The following MET variants were observed in gnomAD, a reference collection of about 807,000 sequenced individuals.
MET encodes the protein hepatocyte growth factor receptor.
A neutral mutation model predicts 133.1 loss-of-function variants in MET; 48 were observed. That is an observed-to-expected ratio of 0.36 (90% confidence interval 0.29 to 0.46). The LOEUF (loss-of-function observed/expected upper bound fraction) is 0.46, where lower values mean the gene tolerates loss of function less well. Ranked by LOEUF, MET falls within the 20% of genes least tolerant of loss-of-function variation. The probability of loss-of-function intolerance (pLI) is 1.00; values close to 1 mark genes in which losing one functional copy is unlikely to be tolerated. For synonymous variants in MET, 628 were observed against 616.5 expected (o/e 1.02, Z -0.28); for missense variants, 1,442 against 1,695.9 (o/e 0.85, Z 2.63).
At chr7:116,700,378 T>G (rs1190269987) in intron 2 of MET, 94 bp downstream of exon 2, 1 of 1,411,370 alleles carries the variant, frequency 7.1e-7, no homozygotes, top group Non-Finnish European at 9.4e-7. Context: ...TCTTTTGTGC[T>G]TTGTAAATGG....
chr7:116,794,472 A>G (rs571717363), intron 19 of MET, among the ~76,000 whole-genome samples: 4 of 152,230 alleles, frequency 2.6e-5, no homozygotes, highest in Middle Eastern at 3.2e-3. Context: ...GCAGCCATCA[A>G]GGGTTCTTGC....
chr7:116,684,126 C>A (rs978696269), intron 1 of MET, among the ~76,000 whole-genome samples: 2 of 152,192 alleles, frequency 1.3e-5, no homozygotes, highest in African/African-American at 4.8e-5. Context: ...GTCTCCTCTC[C>A]CTATTTTCCT....
chr7:116,678,115 A>G (rs1796225871), intron 1 of MET, among the ~76,000 whole-genome samples: 1 of 152,158 alleles, frequency 6.6e-6, no homozygotes, highest in African/African-American at 2.4e-5. Context: ...CAATCAGATC[A>G]GTGTTAAAAT....
At chr7:116,742,028 G>A (rs1793476662) in intron 5 of MET, among the ~76,000 whole-genome samples, 1 of 152,204 alleles carries the variant, frequency 6.6e-6, no homozygotes. Flanking sequence ...CTTCCCTGGT[G>A]AGAACCCAGT....
rs1584923073 is a variant in MET, at chr7:116,740,860, G to A, written c.1536G>A (p.Lys512=). ...ACCCCTTCTCTTCACAGATCACGAA[G>A]ATCCCATTGAATGGCTTGGGCTGCA... ...TLVITGKKIT[K]IPLNGLGCRH... is the part of the protein sequence containing the mutation. The change falls in exon 5 of 21, where the codon AAG becomes AAA. Residue 512 remains lysine, a synonymous_variant. Transcript: ENST00000397752. The A allele has an allele frequency of 6.2e-7, 1 of 1,614,054 alleles. No homozygotes were observed. Among genetic ancestry groups the A allele is most frequent in the Non-Finnish European group, 8.5e-7 (1 of 1,180,022 alleles).
chr7:116,762,740 G>T (rs1365892586), intron 10 of MET, among the ~76,000 whole-genome samples: 1 of 152,050 alleles, frequency 6.6e-6, no homozygotes, highest in Non-Finnish European at 1.5e-5. Context: ...CACAACAAGG[G>T]GCAGTTCCTC....
chr7:116,792,476 C>CACACACACAT (rs1795538847), intron 19 of MET, among the ~76,000 whole-genome samples: 1 of 146,404 alleles, frequency 6.8e-6, no homozygotes, highest in East Asian at 2.0e-4. Context: ...CACACACACA[C>CACACACACAT]ACACACACAC....
rs566993048 is a variant in MET at position 116,780,822 on chromosome 7, C to A, written c.3523-1166C>A. On this transcript the variant is annotated intron_variant, in intron 17 of 20. Coordinates refer to ENST00000397752, the MANE Select transcript of MET (RefSeq NM_000245.4). ...GGAATACCCCATTCCTGATTGCCAG[C>A]CAGTGACATCACCAGACTTGACAGC... is the stretch of plus-strand genomic sequence containing the variant. Among the ~76,000 whole-genome samples the A allele has an allele frequency of 2.0e-5, 3 of 152,300 alleles. No homozygotes were observed. The South Asian group carries it at 6.2e-4, about 32-fold the overall frequency.
intron 1 of MET, among the ~76,000 whole-genome samples, chr7:116,683,991 C>G (rs1472439557): frequency 6.6e-6 from 1 of 152,082 alleles, no homozygotes; most frequent in Non-Finnish European, 1.5e-5. Context: ...AAACCGCTCT[C>G]TCTCACTTCC....
intron 11 of MET, 133 bp from the exon 12 acceptor site, chr7:116,769,512 A>G: frequency 2.8e-6 from 3 of 1,075,416 alleles, no homozygotes; most frequent in Non-Finnish European, 4.1e-6. Flanking sequence ...CATGAAAATT[A>G]GTATCATAGA....
rs2116589366 is a variant in MET at position 116,699,543 on chromosome 7, C to T, written c.459C>T (p.Asp153=). The T allele has an allele frequency of 6.2e-7, 1 of 1,614,066 alleles. No individual in the cohort carries two copies. Among genetic ancestry groups the T allele is most frequent in the Non-Finnish European group, 8.5e-7 (1 of 1,179,958 alleles). Residue 153 remains aspartate (D), a synonymous_variant, in exon 2 of 21, where the codon GAC becomes GAT. Coordinates refer to ENST00000397752, the MANE Select transcript of MET (RefSeq NM_000245.4). ...TCTTTCCCCACAATCATACTGCTGACATACAGTCGGAGGTTCACTGCATAT... is the reference window on the plus strand; with the variant it reads ...TCTTTCCCCACAATCATACTGCTGATATACAGTCGGAGGTTCACTGCATAT... The part of the protein sequence containing the change: ...RHVFPHNHTA[D]IQSEVHCIFS...
chr7:116,767,440 C>CT (rs1309343067), intron 11 of MET, among the ~76,000 whole-genome samples: 1 of 152,196 alleles, frequency 6.6e-6, no homozygotes, highest in Non-Finnish European at 1.5e-5. Context: ...AGAACTGTGT[C>CT]TAACACACAG....
At chr7:116,724,655 C>A in intron 2 of MET, 2 of 453,850 alleles carry the variant, frequency 4.4e-6, no homozygotes, top group South Asian at 1.6e-5. Context: ...AGACTGATAA[C>A]AGTTTTTTTT....
intron 2 of MET, among the ~76,000 whole-genome samples, chr7:116,728,946 G>A (rs1429840711): frequency 6.6e-6 from 1 of 152,158 alleles, no homozygotes. Context: ...AACAAAAGAA[G>A]AAACAAGACA....
intron 5 of MET, among the ~76,000 whole-genome samples, chr7:116,746,734 A>G (rs1309768143): frequency 6.6e-6 from 1 of 150,748 alleles, no homozygotes; most frequent in Non-Finnish European, 1.5e-5. Context: ...GAACAATGAG[A>G]ACACGTGGAC....
At chr7:116,705,904 C>T (rs1026850747) in intron 2 of MET, among the ~76,000 whole-genome samples, 11 of 152,136 alleles carry the variant, frequency 7.2e-5, no homozygotes, top group Admixed American at 2.0e-4. Context: ...AATTTTGTAA[C>T]GCCCCCTGAG....
intron 5 of MET, among the ~76,000 whole-genome samples, chr7:116,745,661 C>G (rs1325929837): frequency 4.6e-5 from 7 of 152,108 alleles, no homozygotes; most frequent in East Asian, 3.9e-4. Flanking sequence ...ACAAACCTGA[C>G]AAAAACAAGG....
rs368375848 is a variant in MET at position 116,700,360 on chromosome 7, C to A, written c.1200+76C>A. The A allele has an allele frequency of 1.1e-5, 16 of 1,492,112 alleles. No individual in the cohort carries two copies. The African/African-American group carries it at 1.5e-4, about 14-fold the overall frequency. 92.4% of individuals were successfully genotyped at this position (1,492,112 alleles called of 1,614,324 possible). ...TAAGTATCAGTCTCAAAAAGAATAT[C>A]CAGGGCTTCTTTTGTGCTTTGTAAA... On this transcript the variant is annotated intron_variant, in intron 2 of 20. Transcript: ENST00000397752.
intron 5 of MET, among the ~76,000 whole-genome samples, chr7:116,744,406 T>C (rs1793582371): frequency 1.3e-5 from 2 of 152,008 alleles, no homozygotes; most frequent in South Asian, 2.1e-4. Flanking sequence ...CAAGTATCAA[T>C]AGCCAAATCA....
Sources: allele counts gnomAD v4.1 joint callset (sites outside exome capture counted in the v4.1 genomes callset), GRCh38; gene constraint gnomAD v4.1.1; transcripts MANE v1.5; gene names NCBI Gene and HGNC (gene_info 2026-07-23, HGNC 2026-07-21).